Variants in CLCC1 observed in about 807,000 individuals in gnomAD.
The protein encoded by CLCC1 is chloride channel CLIC-like protein 1.
In CLCC1, 39 loss-of-function variants were observed where a neutral mutation model predicts 63.3. That is an observed-to-expected ratio of 0.62 (90% CI 0.48 to 0.81). The LOEUF (loss-of-function observed/expected upper bound fraction) is 0.81. CLCC1 is among the 30% of genes least tolerant of loss of function. The probability of loss-of-function intolerance (pLI) is 0.00; values close to 1 mark genes in which losing one functional copy is unlikely to be tolerated. For missense variants in CLCC1, 549 were observed against 669.4 expected, an observed-to-expected ratio of 0.82 and a Z score of 1.98; for synonymous variants, 217 against 239.8, an observed-to-expected ratio of 0.90 and a Z score of 0.88.
At chr1:108,939,601 G>A (rs770587200) in intron 10 of CLCC1, 35 bp downstream of exon 10, 315 of 1,597,144 alleles carry the variant, frequency 2.0e-4, no homozygotes, top group Middle Eastern at 1.7e-4. Flanking sequence ...GAGCCACCGC[G>A]CCTGGCCCGA....
Position 108,944,297 on chromosome 1 carries a change from C to T in CLCC1, c.340-240G>A, listed in dbSNP as rs760901239. 4.9e-4 allele frequency among the ~76,000 whole-genome samples: 74 copies of T among 152,184 alleles called. 1 individual carries two copies. Among genetic ancestry groups the T allele is most frequent in the Admixed American group, 8.5e-4 (13 of 15,276 alleles). ...CCAGCCTGGGCAACAAAGCGAGACC[C>T]CATCTCTACAAAAAATTCTAACCAT... On this transcript the variant is annotated intron_variant, in intron 5 of 12. Transcript: ENST00000369969.
intron 2 of CLCC1, among the ~76,000 whole-genome samples, chr1:108,953,811 G>C (rs1655501303): frequency 6.6e-6 from 1 of 151,900 alleles, no homozygotes; most frequent in Non-Finnish European, 1.5e-5. Context: ...AGGAGTTCGA[G>C]ACCAGCCTGA....
At chr1:108,935,143 C>T (rs11102668) in intron 11 of CLCC1, among the ~76,000 whole-genome samples, 9,864 of 152,216 alleles carry the variant, frequency 0.065, 401 homozygotes, top group African/African-American at 0.11. Flanking sequence ...GGAGTGGGAA[C>T]GCTTAGCGCA....
intron 5 of CLCC1, among the ~76,000 whole-genome samples, chr1:108,945,419 G>A (rs760045208): frequency 3.9e-5 from 6 of 152,136 alleles, no homozygotes; most frequent in Non-Finnish European, 7.4e-5. Context: ...TTTGCAGTAC[G>A]AGAGCTGAAA....
chr1:108,949,489 A>AT (rs1289617458), intron 4 of CLCC1, among the ~76,000 whole-genome samples: 1 of 152,230 alleles, frequency 6.6e-6, no homozygotes, highest in Non-Finnish European at 1.5e-5. Flanking sequence ...ATTTGTTGAG[A>AT]GTTTACTATG....
At chr1:108,943,759 C>T (rs1654159757) in intron 6 of CLCC1, 77 bp downstream of exon 6, 23 of 1,437,776 alleles carry the variant, frequency 1.6e-5, no homozygotes, top group Middle Eastern at 1.8e-4. Context: ...AGGTTCTTAA[C>T]GTAATTATGG....
chr1:108,936,456 T>C (rs1206386290), intron 11 of CLCC1, among the ~76,000 whole-genome samples: 1 of 152,252 alleles, frequency 6.6e-6, no homozygotes, highest in Non-Finnish European at 1.5e-5. Context: ...AGGGATTCTA[T>C]AATTTCCCAG....
In CLCC1 at chr1:108,930,177, T is replaced by A; in HGVS notation, c.*2370A>T. On this transcript the variant is annotated 3_prime_UTR_variant, in exon 13 of 13. Transcript: ENST00000369969. The stretch of plus-strand genomic sequence containing the variant: ...TCTGTGATTACTGCTTGGGATGTGT[T>A]CTTTGGCAGCTTGTGAGATTACTTT... The A allele has an allele frequency of 2.1e-6, 1 of 473,410 alleles. No homozygotes were observed. The highest frequency in any genetic ancestry group is 3.7e-6 in the Non-Finnish European group (1 of 268,016). 29.3% of individuals were successfully genotyped at this position (473,410 alleles called of 1,614,324 possible).
At chr1:108,947,579 T>G (rs748004477) in intron 5 of CLCC1, 32 bp downstream of exon 5, 2 of 1,229,728 alleles carry the variant, frequency 1.6e-6, no homozygotes, top group Non-Finnish European at 2.3e-6. Context: ...ATATACACTA[T>G]ACGGATTAGT....
Position 108,931,541 on chromosome 1 carries a change from A to G in CLCC1, c.*1006T>C. 6.7e-7 allele frequency: 1 copy of G among 1,503,140 alleles called. No homozygotes were observed. Among genetic ancestry groups the G allele is most frequent in the Admixed American group, 2.2e-5 (1 of 45,448 alleles). 93.1% of individuals were successfully genotyped at this position (1,503,140 alleles called of 1,614,324 possible). A position where few individuals can be genotyped will look rare whatever the true frequency, so the allele number is the denominator to read the frequency against. ...ATTCTTTCAAAAAGTCATTCAGGTG[A>G]TTTGGATGGGCAAATAGAACTATTT... On this transcript the variant is annotated 3_prime_UTR_variant, in exon 13 of 13. Coordinates refer to ENST00000369969, the MANE Select transcript of CLCC1 (RefSeq NM_001377458.1).
intron 2 of CLCC1, among the ~76,000 whole-genome samples, chr1:108,961,477 T>C (rs929889990): frequency 1.3e-5 from 2 of 152,188 alleles, no homozygotes; most frequent in Non-Finnish European, 1.5e-5. Flanking sequence ...GACACTACTC[T>C]TTCTCTCTCC....
In CLCC1 at chr1:108,931,652, T is replaced by A; in HGVS notation, c.*895A>T. On this transcript the variant is annotated 3_prime_UTR_variant, in exon 13 of 13. Coordinates refer to ENST00000369969, the MANE Select transcript of CLCC1 (RefSeq NM_001377458.1). ...CTAAAAAAAAAAAAAAAGTTCTAAA[T>A]TACAACCTGGATTACATTATGTTTC... 9 of 923,274 alleles carry A rather than the reference T, an allele frequency of 9.7e-6. No individual in the cohort carries two copies. The highest frequency in any genetic ancestry group is 1.4e-5 in the Non-Finnish European group (9 of 653,328). 57.2% of individuals were successfully genotyped at this position (923,274 alleles called of 1,614,324 possible). A position where few individuals can be genotyped will look rare whatever the true frequency, so the allele number is the denominator to read the frequency against.
At chr1:108,949,593 C>G (rs1347213980) in intron 4 of CLCC1, among the ~76,000 whole-genome samples, 1 of 152,018 alleles carries the variant, frequency 6.6e-6, no homozygotes, top group Non-Finnish European at 1.5e-5. Flanking sequence ...ATACTTACAA[C>G]ACAGAGATGT....
intron 2 of CLCC1, among the ~76,000 whole-genome samples, chr1:108,956,190 C>T (rs1655867927): frequency 6.6e-6 from 1 of 151,320 alleles, no homozygotes; most frequent in African/African-American, 2.5e-5. Flanking sequence ...TCCCAGCCTG[C>T]AGCCAATATC....
chr1:108,959,763 G>A (rs1656390187), intron 2 of CLCC1, among the ~76,000 whole-genome samples: 1 of 152,158 alleles, frequency 6.6e-6, no homozygotes, highest in African/African-American at 2.4e-5. Flanking sequence ...CCTACTCCTG[G>A]CCAAGATGGA....
chr1:108,930,091 A>C lies in CLCC1; in HGVS notation c.*2456T>G. The C allele has an allele frequency of 1.4e-6, 1 of 727,618 alleles. No homozygotes were observed. The highest frequency in any genetic ancestry group is 2.2e-6 in the Non-Finnish European group (1 of 445,946). 45.1% of individuals were successfully genotyped at this position (727,618 alleles called of 1,614,324 possible). On this transcript the variant is annotated 3_prime_UTR_variant, in exon 13 of 13. Coordinates refer to ENST00000369969, the MANE Select transcript of CLCC1 (RefSeq NM_001377458.1). ...TTAACCTTCAGTAGTCTATTAAGGC[A>C]TTAATACTTCTCTGGACATGCGCGT... is the stretch of plus-strand genomic sequence containing the variant.
chr1:108,935,810 G>T (rs550426731), intron 11 of CLCC1, among the ~76,000 whole-genome samples: 1 of 152,230 alleles, frequency 6.6e-6, no homozygotes, highest in Admixed American at 6.5e-5. Flanking sequence ...CCATATGATT[G>T]ATATATAAAT....
chr1:108,942,298 A>C (rs1343369732), intron 7 of CLCC1, among the ~76,000 whole-genome samples: 1 of 152,106 alleles, frequency 6.6e-6, no homozygotes, highest in African/African-American at 2.4e-5. Context: ...ACTACTTCTT[A>C]TTTTCTTTTA....
At chr1:108,956,204 GGCCA>G (rs1655869878) in intron 2 of CLCC1, among the ~76,000 whole-genome samples, 1 of 151,364 alleles carries the variant, frequency 6.6e-6, no homozygotes, top group Non-Finnish European at 1.5e-5. Context: ...CAATATCAAT[GGCCA>G]GCCATGTGGG....
Sources: gnomAD v4.1 joint callset for allele counts (sites outside exome capture counted in the v4.1 genomes callset) on GRCh38, gnomAD v4.1.1 for gene constraint, MANE v1.5 for transcripts, NCBI Gene and HGNC (gene_info 2026-07-23, HGNC 2026-07-21) for gene names.